CPA6: variants seen among roughly 807,000 people sequenced by gnomAD.
CPA6 encodes the protein carboxypeptidase A6.
A neutral mutation model predicts 63.3 loss-of-function variants in CPA6; 58 were observed. That is an observed-to-expected ratio of 0.92 (90% CI 0.74 to 1.14). The LOEUF is 1.14. CPA6 is among the 50% of genes most tolerant of loss of function. The pLI is 0.00. For synonymous variants in CPA6, 185 were observed against 179.0 expected (o/e 1.03, Z -0.27); for missense variants, 565 against 526.6 (o/e 1.07, Z -0.71).
intron 8 of CPA6, among the ~76,000 whole-genome samples, chr8:67,435,040 TC>T (rs1810117416): frequency 7.9e-5 from 12 of 152,142 alleles, no homozygotes; most frequent in Admixed American, 7.9e-4. Flanking sequence ...GGGAGCCCCC[TC>T]CATCTGGCCC....
intron 1 of CPA6, among the ~76,000 whole-genome samples, chr8:67,733,429 C>A (rs1299715605): frequency 6.6e-6 from 1 of 151,888 alleles, no homozygotes; most frequent in Admixed American, 6.6e-5. Context: ...CTCTTTCCCA[C>A]GCGTGGAAGT....
chr8:67,574,132 T>A (rs1813561263), intron 2 of CPA6, among the ~76,000 whole-genome samples: 1 of 151,660 alleles, frequency 6.6e-6, no homozygotes, highest in African/African-American at 2.4e-5. Flanking sequence ...GATCTCAGCA[T>A]TTTGGGAGGC....
At chr8:67,731,261 C>T (rs569722474) in intron 1 of CPA6, among the ~76,000 whole-genome samples, 2 of 152,200 alleles carry the variant, frequency 1.3e-5, no homozygotes, top group Non-Finnish European at 2.9e-5. Flanking sequence ...CTTTTTCACA[C>T]ACAAAAAAAG....
chr8:67,591,126 C>T (rs1587607279), intron 2 of CPA6, among the ~76,000 whole-genome samples: 1 of 151,940 alleles, frequency 6.6e-6, no homozygotes, highest in African/African-American at 2.4e-5. Flanking sequence ...TTCCCAGCAC[C>T]ATTTATTAAA....
chr8:67,573,482 A>T (rs946732858), intron 2 of CPA6, among the ~76,000 whole-genome samples: 3 of 152,136 alleles, frequency 2.0e-5, no homozygotes, highest in Non-Finnish European at 4.4e-5. Flanking sequence ...TTCACAACAA[A>T]CTTTCTGAAA....
At chr8:67,456,288 T>C (rs1289821605) in intron 8 of CPA6, among the ~76,000 whole-genome samples, 1 of 152,222 alleles carries the variant, frequency 6.6e-6, no homozygotes, top group Non-Finnish European at 1.5e-5. Context: ...CTTTCTTCCC[T>C]GCTCAAGGTC....
intron 1 of CPA6, among the ~76,000 whole-genome samples, chr8:67,742,019 C>G (rs988586940): frequency 1.3e-5 from 2 of 152,134 alleles, no homozygotes; most frequent in Admixed American, 1.3e-4. Flanking sequence ...GTACAGCAAG[C>G]TATCAGAGGG....
At chr8:67,509,477 G>T (rs745585764) in intron 5 of CPA6, 40 bp downstream of exon 5, 1 of 932,830 alleles carries the variant, frequency 1.1e-6, no homozygotes, top group Admixed American at 2.2e-5. Flanking sequence ...TGGATATTTG[G>T]TAAACATTAT....
chr8:67,661,962 G>A (rs753795783), intron 1 of CPA6, among the ~76,000 whole-genome samples: 1 of 152,150 alleles, frequency 6.6e-6, no homozygotes, highest in Non-Finnish European at 1.5e-5. Context: ...TTAAGGCTGA[G>A]TCATATTCCA....
intron 1 of CPA6, among the ~76,000 whole-genome samples, chr8:67,692,618 T>C (rs902908157): frequency 7.9e-5 from 12 of 152,220 alleles, no homozygotes; most frequent in African/African-American, 2.2e-4. Context: ...TCCTAAGCTA[T>C]ATTATTTCAA....
chr8:67,607,240 CTTCTT>C lies in CPA6; in HGVS notation c.192+16931_192+16935del, dbSNP rs1814685568. Among the ~76,000 whole-genome samples, 23 of 116,012 alleles carry C rather than the reference CTTCTT, an allele frequency of 2.0e-4. 4 individuals carry two copies. Among genetic ancestry groups the C allele is most frequent in the South Asian group, 6.3e-4 (2 of 3,154 alleles). The allele number at this position is 116,012 out of a possible 152,430, so 76.1% of individuals were successfully genotyped here. A position where few individuals can be genotyped will look rare whatever the true frequency, so the allele number is the denominator to read the frequency against. ...TCTTCTTCTTCTTCTTCTTCTTCTT[CTTCTT>C]CTTCTTCTCCTCCTCCTCCTTTCTT... On this transcript the variant is annotated intron_variant, in intron 2 of 10. Coordinates refer to ENST00000297770, the MANE Select transcript of CPA6 (RefSeq NM_020361.5).
At chr8:67,589,784 G>C (rs1226177794) in intron 2 of CPA6, among the ~76,000 whole-genome samples, 2 of 151,882 alleles carry the variant, frequency 1.3e-5, no homozygotes, top group East Asian at 3.9e-4. Context: ...CTTCCCCCTA[G>C]GCACACTCTC....
chr8:67,616,571 TAGA>T, intron 2 of CPA6, among the ~76,000 whole-genome samples: 1 of 146,982 alleles, frequency 6.8e-6, no homozygotes, highest in East Asian at 2.0e-4. Flanking sequence ...TTGTGGGGAA[TAGA>T]AGATGTGGTG....
chr8:67,589,726 C>A (rs1016854774), intron 2 of CPA6, among the ~76,000 whole-genome samples: 6 of 152,050 alleles, frequency 3.9e-5, no homozygotes, highest in Admixed American at 3.9e-4. Context: ...ACCATGTAAC[C>A]ACACCTAGGT....
chr8:67,642,317 C>CAA (rs34398433), intron 1 of CPA6, among the ~76,000 whole-genome samples: 58 of 135,856 alleles, frequency 4.3e-4, no homozygotes, highest in Middle Eastern at 4.0e-3. Flanking sequence ...GACTCCATCT[C>CAA]AAAAAAAAAA....
intron 8 of CPA6, among the ~76,000 whole-genome samples, chr8:67,447,051 C>CACACATATATATACACACATATAT (rs1810438472): frequency 1.4e-5 from 2 of 142,480 alleles, no homozygotes; most frequent in Middle Eastern, 3.6e-3. Context: ...TATATATACA[C>CACACATATATATACACACATATAT]ACACATATAT....
intron 6 of CPA6, among the ~76,000 whole-genome samples, chr8:67,487,242 C>T (rs916924787): frequency 2.6e-5 from 4 of 152,072 alleles, no homozygotes; most frequent in African/African-American, 4.8e-5. Flanking sequence ...GTGTGATGTT[C>T]CCCACCCTGT....
intron 3 of CPA6, among the ~76,000 whole-genome samples, chr8:67,516,765 C>T (rs1484304283): frequency 1.3e-5 from 2 of 152,054 alleles, no homozygotes; most frequent in African/African-American, 4.8e-5. Context: ...TTTTCTTTTT[C>T]AGCTCCTCTG....
chr8:67,580,773 C>T (rs956952813), intron 2 of CPA6, among the ~76,000 whole-genome samples: 10 of 152,174 alleles, frequency 6.6e-5, no homozygotes, highest in Admixed American at 3.3e-4. Context: ...CAGGCTCTGA[C>T]CATGCTGAGT....
Sources: gnomAD v4.1 joint callset for allele counts (sites outside exome capture counted in the v4.1 genomes callset) on GRCh38, gnomAD v4.1.1 for gene constraint, MANE v1.5 for transcripts, NCBI Gene and HGNC (gene_info 2026-07-23, HGNC 2026-07-21) for gene names.